Variants in DOCK8 observed in about 807,000 individuals in gnomAD.
The protein encoded by DOCK8 is dedicator of cytokinesis protein 8.
Under a neutral mutation model 245.6 loss-of-function variants are expected in DOCK8, and 141 were observed. The observed-to-expected ratio is 0.57, with a 90% CI of 0.50 to 0.66. The LOEUF (loss-of-function observed/expected upper bound fraction) is 0.66. DOCK8 is among the 30% of genes least tolerant of loss of function. The pLI, the probability that DOCK8 is intolerant of heterozygous loss-of-function variation, is 0.00. For synonymous variants in DOCK8, 1,168 were observed against 970.2 expected, an observed-to-expected ratio of 1.20 and a Z score of -3.79; for missense variants, 2,965 against 2,603.4, an observed-to-expected ratio of 1.14 and a Z score of -3.02.
upstream of DOCK8, chr9:214,532 C>T: frequency 6.2e-7 from 1 of 1,613,506 alleles, no homozygotes; most frequent in African/African-American, 1.3e-5. Context: ...GGGTGATTCC[C>T]GACCTCGCCA....
chr9:319,911 A>G (rs1563918739), intron 7 of DOCK8, among the ~76,000 whole-genome samples: 1 of 152,218 alleles, frequency 6.6e-6, no homozygotes, highest in Non-Finnish European at 1.5e-5. Context: ...TGATGGTGAA[A>G]CTTTAATGTG....
intron 4 of DOCK8, among the ~76,000 whole-genome samples, chr9:290,968 A>T (rs2049013322): frequency 6.6e-6 from 1 of 152,340 alleles, no homozygotes; most frequent in South Asian, 2.1e-4. Context: ...AGTTATTAAG[A>T]GAAAGTTAGA....
intron 27 of DOCK8, among the ~76,000 whole-genome samples, chr9:406,486 TTCAAAA>T (rs1354673522): frequency 1.6e-5 from 2 of 121,570 alleles, no homozygotes; most frequent in African/African-American, 5.9e-5. Context: ...CACTCTGTCT[TTCAAAA>T]AAAAAAAAAA....
At chr9:400,247 C>CACCAT (rs2054799709) in intron 26 of DOCK8, among the ~76,000 whole-genome samples, 79 of 66,154 alleles carry the variant, frequency 1.2e-3, no homozygotes, top group Middle Eastern at 7.0e-3. Context: ...ACCACCACCT[C>CACCAT]CACCATCACC....
chr9:413,202 C>G (rs1363328176), intron 28 of DOCK8, among the ~76,000 whole-genome samples: 1 of 152,004 alleles, frequency 6.6e-6, no homozygotes, highest in East Asian at 1.9e-4. Context: ...AACTGGGTAT[C>G]CACACTCAAA....
chr9:384,157 A>G (rs2131309079), intron 22 of DOCK8, among the ~76,000 whole-genome samples: 1 of 152,282 alleles, frequency 6.6e-6, no homozygotes, highest in Middle Eastern at 3.4e-3. Context: ...AGTAATGGTC[A>G]AGTATTTTGT....
At chr9:337,548 C>CT (rs2051370077) in intron 12 of DOCK8, among the ~76,000 whole-genome samples, 1 of 152,170 alleles carries the variant, frequency 6.6e-6, no homozygotes, top group African/African-American at 2.4e-5. Flanking sequence ...CAAGTTTCCA[C>CT]TTTCACTACT....
intron 6 of DOCK8, among the ~76,000 whole-genome samples, chr9:313,115 G>A (rs539177882): frequency 6.6e-6 from 1 of 152,292 alleles, no homozygotes; most frequent in South Asian, 2.1e-4. Context: ...CAGCAAGGAG[G>A]ACAATAAAGG....
Position 422,111 on chromosome 9 carries a change from G to A in DOCK8, c.4217G>A (p.Arg1406Gln), listed in dbSNP as rs1564048056. Reference sequence around the variant, plus strand: ...TGGAAGAAAGAGCAGACACATTGGCGGCAAGCTAATGAGAAGCTAGATAAG... The same window carrying A: ...TGGAAGAAAGAGCAGACACATTGGCAGCAAGCTAATGAGAAGCTAGATAAG... Reference protein sequence around the residue: ...LRWKKEQTHWRQANEKLDKTK... With the variant: ...LRWKKEQTHWQQANEKLDKTK... Residue 1406 changes from arginine to glutamine, a missense_variant, in exon 33 of 48, where the codon CGG becomes CAG. Transcript: ENST00000432829. The A allele has an allele frequency of 5.0e-6, 8 of 1,614,040 alleles. No individual in the cohort carries two copies. The highest frequency in any genetic ancestry group is 2.2e-5 in the East Asian group (1 of 44,886).
chr9:411,312 C>T (rs1295730401), intron 28 of DOCK8, among the ~76,000 whole-genome samples: 1 of 152,044 alleles, frequency 6.6e-6, no homozygotes, highest in Non-Finnish European at 1.5e-5. Context: ...ACTCGGGAGG[C>T]TGAGGCAGAA....
chr9:270,634 C>T (rs1019331492), intron 1 of DOCK8, among the ~76,000 whole-genome samples: 22 of 152,282 alleles, frequency 1.4e-4, no homozygotes, highest in African/African-American at 2.4e-4. Context: ...AAACATAATA[C>T]GCTTCATTTG....
At chr9:372,758 G>A (rs2053351412) in intron 18 of DOCK8, among the ~76,000 whole-genome samples, 1 of 152,124 alleles carries the variant, frequency 6.6e-6, no homozygotes, top group African/African-American at 2.4e-5. Flanking sequence ...ACTTTCTCTT[G>A]CTCATCCACT....
chr9:304,608 C>T lies in DOCK8; in HGVS notation c.432C>T (p.Gly144=), dbSNP rs759642755. The T allele has an allele frequency of 5.6e-6, 9 of 1,614,034 alleles. No homozygotes were observed. The Admixed American group carries it at 1.5e-4, about 27-fold the overall frequency. The change falls in exon 5 of 48, where the codon GGC becomes GGT. Residue 144 remains glycine, a synonymous_variant. Transcript: ENST00000432829. The stretch of plus-strand genomic sequence containing the variant: ...ACCAAGGAAGTCCAGAAATCTGTGG[C>T]TTTAAAAAGACTGGATCTCGAAAAG... ...RKNQGSPEIC[G]FKKTGSRKDF...
At chr9:360,274 C>T (rs2052659794) in intron 14 of DOCK8, among the ~76,000 whole-genome samples, 1 of 151,160 alleles carries the variant, frequency 6.6e-6, no homozygotes, top group Non-Finnish European at 1.5e-5. Flanking sequence ...TGAGATCATG[C>T]CACTGCACTC....
In DOCK8 at chr9:405,106, T is replaced by C. The variant is rs755147130; in HGVS notation, c.3390+33T>C. The C allele has an allele frequency of 2.5e-5, 39 of 1,584,576 alleles. No individual in the cohort carries two copies. In the Middle Eastern group the frequency reaches 6.7e-4, roughly 27 times the overall value. ...AAGAATTATTTAACTAAAAGAATTA[T>C]TCAAGCTATTTCATTTAACTAGCTC... On this transcript the variant is annotated intron_variant, in intron 27 of 47. Coordinates refer to ENST00000432829, the MANE Select transcript of DOCK8 (RefSeq NM_203447.4).
At chr9:437,803 A>G (rs926667170) in intron 39 of DOCK8, among the ~76,000 whole-genome samples, 13 of 152,238 alleles carry the variant, frequency 8.5e-5, no homozygotes, top group African/African-American at 3.1e-4. Context: ...TTATTTCACA[A>G]CTGTAGATAC....
chr9:296,677 A>G (rs2049272361), intron 4 of DOCK8, among the ~76,000 whole-genome samples: 3 of 152,204 alleles, frequency 2.0e-5, no homozygotes, highest in African/African-American at 7.2e-5. Flanking sequence ...CTGATCAATA[A>G]TTGCTTATTA....
chr9:272,269 G>A (rs929957503), intron 2 of DOCK8, among the ~76,000 whole-genome samples: 3 of 151,998 alleles, frequency 2.0e-5, no homozygotes, highest in Non-Finnish European at 4.4e-5. Context: ...GTTCCCCAGC[G>A]CGCTTTTACA....
intron 14 of DOCK8, among the ~76,000 whole-genome samples, chr9:345,996 C>G (rs1397955560): frequency 1.3e-5 from 2 of 151,952 alleles, no homozygotes; most frequent in African/African-American, 4.8e-5. Context: ...CAGGAATGAC[C>G]AGGGGCTCCC....
Sources: allele counts gnomAD v4.1 joint callset (sites outside exome capture counted in the v4.1 genomes callset), GRCh38; gene constraint gnomAD v4.1.1; transcripts MANE v1.5; gene names NCBI Gene and HGNC (gene_info 2026-07-23, HGNC 2026-07-21).